Variants in CNTN5 observed in about 807,000 individuals in gnomAD.
CNTN5 encodes the protein contactin-5.
CNTN5 carries 77 observed loss-of-function variants against 129.1 expected under a neutral mutation model. That is an observed-to-expected ratio of 0.60 (90% CI 0.50 to 0.72). The LOEUF (loss-of-function observed/expected upper bound fraction) is 0.72. Ranked by LOEUF, CNTN5 falls within the 30% of genes least tolerant of loss-of-function variation. The pLI is 0.00. For missense variants in CNTN5, 1,478 were observed against 1,328.8 expected (o/e 1.11, Z -1.75); for synonymous variants, 509 against 465.6 (o/e 1.09, Z -1.20).
At chr11:99,431,551 G>A (rs532213701) in intron 2 of CNTN5, among the ~76,000 whole-genome samples, 1 of 152,120 alleles carries the variant, frequency 6.6e-6, no homozygotes, top group Non-Finnish European at 1.5e-5. Context: ...CCAGATCTCA[G>A]CAAATTGTCA....
intron 1 of CNTN5, among the ~76,000 whole-genome samples, chr11:99,082,328 G>A (rs369888400): frequency 6.6e-6 from 1 of 152,148 alleles, no homozygotes; most frequent in East Asian, 1.9e-4. Flanking sequence ...GGGACTACAG[G>A]CGCATGCCAC....
chr11:100,087,504 A>G (rs766746940), intron 13 of CNTN5, among the ~76,000 whole-genome samples: 8 of 151,872 alleles, frequency 5.3e-5, no homozygotes, highest in Non-Finnish European at 8.8e-5. Context: ...TATGAGAAGT[A>G]AAAACACAAG....
chr11:99,462,890 G>T (rs1176565661), intron 2 of CNTN5, among the ~76,000 whole-genome samples: 1 of 151,886 alleles, frequency 6.6e-6, no homozygotes, highest in African/African-American at 2.4e-5. Flanking sequence ...TTCGAGACCA[G>T]CCGGATAAAC....
intron 1 of CNTN5, among the ~76,000 whole-genome samples, chr11:99,072,941 G>A (rs1034844383): frequency 6.6e-6 from 1 of 152,000 alleles, no homozygotes; most frequent in Non-Finnish European, 1.5e-5. Flanking sequence ...CTCTATATTA[G>A]TTTTGCCTGT....
intron 1 of CNTN5, among the ~76,000 whole-genome samples, chr11:99,219,964 G>A (rs984466388): frequency 6.6e-6 from 1 of 151,954 alleles, no homozygotes; most frequent in Non-Finnish European, 1.5e-5. Context: ...AAGAGACTGG[G>A]TCTAAAACTT....
intron 2 of CNTN5, among the ~76,000 whole-genome samples, chr11:99,426,739 G>T (rs1235030350): frequency 6.6e-6 from 1 of 152,090 alleles, no homozygotes; most frequent in Non-Finnish European, 1.5e-5. Context: ...TGGAGGATTT[G>T]AATAGTTCTA....
chr11:99,386,862 G>A (rs1426340882), intron 2 of CNTN5, among the ~76,000 whole-genome samples: 1 of 151,978 alleles, frequency 6.6e-6, no homozygotes, highest in Non-Finnish European at 1.5e-5. Flanking sequence ...TCCATTCTAA[G>A]GCATTTCTCC....
At chr11:99,738,325 T>G (rs954892699) in intron 3 of CNTN5, among the ~76,000 whole-genome samples, 26 of 152,154 alleles carry the variant, frequency 1.7e-4, no homozygotes, top group Admixed American at 6.5e-5. Context: ...CAGAGAGGTT[T>G]CAGAAGAAAC....
intron 9 of CNTN5, among the ~76,000 whole-genome samples, chr11:100,039,024 G>A (rs1942213226): frequency 6.6e-6 from 1 of 152,100 alleles, no homozygotes; most frequent in Non-Finnish European, 1.5e-5. Context: ...GTGTTAGCTG[G>A]TTATTTTGCT....
intron 1 of CNTN5, among the ~76,000 whole-genome samples, chr11:99,303,615 G>A (rs899342634): frequency 6.6e-6 from 1 of 151,508 alleles, no homozygotes; most frequent in Non-Finnish European, 1.5e-5. Flanking sequence ...AACACTGGCT[G>A]TACCCTCTGC....
intron 3 of CNTN5, among the ~76,000 whole-genome samples, chr11:99,572,450 G>A (rs1181754125): frequency 6.6e-6 from 1 of 152,146 alleles, no homozygotes; most frequent in Admixed American, 6.5e-5. Context: ...ATAGCAAAGG[G>A]TAGAATTAGT....
intron 1 of CNTN5, among the ~76,000 whole-genome samples, chr11:99,119,252 C>G (rs939667773): frequency 6.6e-6 from 1 of 152,112 alleles, no homozygotes; most frequent in Non-Finnish European, 1.5e-5. Context: ...AGGTATTAAG[C>G]CTAATATCTA....
At chr11:99,499,835 T>C (rs969935570) in intron 2 of CNTN5, among the ~76,000 whole-genome samples, 2 of 152,210 alleles carry the variant, frequency 1.3e-5, no homozygotes, top group East Asian at 3.8e-4. Flanking sequence ...GTGTTTCCTA[T>C]GAAATTCATG....
chr11:100,303,740 T>A (rs1360400274), intron 20 of CNTN5, among the ~76,000 whole-genome samples: 1 of 151,684 alleles, frequency 6.6e-6, no homozygotes, highest in Non-Finnish European at 1.5e-5. Context: ...AAACCTAATA[T>A]TCCTAAGGTG....
chr11:99,792,126 C>T (rs924284762), intron 3 of CNTN5, among the ~76,000 whole-genome samples: 12 of 151,950 alleles, frequency 7.9e-5, no homozygotes, highest in Admixed American at 5.9e-4. Flanking sequence ...CCAGGATCTC[C>T]AATACTATGT....
intron 3 of CNTN5, among the ~76,000 whole-genome samples, chr11:99,721,506 G>T (rs1020014528): frequency 6.6e-6 from 1 of 152,080 alleles, no homozygotes; most frequent in Admixed American, 6.6e-5. Flanking sequence ...AGACTTAAAT[G>T]TAAAACCCCA....
At chr11:100,342,763 T>C (rs1952194601) in intron 23 of CNTN5, among the ~76,000 whole-genome samples, 3 of 152,206 alleles carry the variant, frequency 2.0e-5, no homozygotes, top group Non-Finnish European at 1.5e-5. Context: ...AAATGTCTTA[T>C]GCAGTTATTT....
intron 2 of CNTN5, among the ~76,000 whole-genome samples, chr11:99,351,813 C>A (rs1228133418): frequency 1.3e-5 from 2 of 152,132 alleles, no homozygotes; most frequent in Admixed American, 1.3e-4. Flanking sequence ...TGTTCTCCTG[C>A]CAAGTAGACT....
rs143015169 is a variant in CNTN5 at position 100,034,001 on chromosome 11, C to T, written c.981-27211C>T. On this transcript the variant is annotated intron_variant, in intron 9 of 24. Transcript: ENST00000524871. ...AGACATTTCTATCTCTAATGCAAAT[C>T]CACCTTCATTCTGTATCTTACTTCC... Among the ~76,000 whole-genome samples, 505 of 152,326 alleles carry T rather than the reference C, an allele frequency of 3.3e-3. 3 individuals carry two copies. The highest frequency in any genetic ancestry group is 4.9e-3 in the Non-Finnish European group (334 of 68,024).
Sources: gnomAD v4.1 joint callset for allele counts (sites outside exome capture counted in the v4.1 genomes callset) on GRCh38, gnomAD v4.1.1 for gene constraint, MANE v1.5 for transcripts, NCBI Gene and HGNC (gene_info 2026-07-23, HGNC 2026-07-21) for gene names.